Variants in RANBP2 observed in about 807,000 individuals in gnomAD.
RANBP2 encodes E3 SUMO-protein ligase RanBP2.
A neutral mutation model predicts 303.6 loss-of-function variants in RANBP2; 57 were observed. The observed-to-expected ratio is 0.19, with a 90% CI of 0.15 to 0.23. The LOEUF is 0.23. Ranked by LOEUF, RANBP2 falls within the 10% of genes least tolerant of loss-of-function variation. RANBP2 has a pLI of 1.00. For synonymous variants in RANBP2, 1,167 were observed against 1,301.5 expected (o/e 0.90, Z 2.23); for missense variants, 3,138 against 3,780.8 (o/e 0.83, Z 4.46).
the RANBP2 span, among the ~76,000 whole-genome samples, chr2:109,316,824 C>T: frequency 2.6e-5 from 4 of 152,348 alleles, no homozygotes; most frequent in South Asian, 8.3e-4. Context: ...TGGCCTCACC[C>T]TCTGGCTGCC....
chr2:109,694,801 ATGTGTGTGTGTGTGTGTGTG>A, the RANBP2 span, among the ~76,000 whole-genome samples: 1 of 146,222 alleles, frequency 6.8e-6, no homozygotes, highest in Non-Finnish European at 1.5e-5. Flanking sequence ...ATCCATAGGG[ATGTGTGTGTGTGTGTGTGTG>A]TGTGTGTGTG....
the RANBP2 span, among the ~76,000 whole-genome samples, chr2:109,325,374 CT>C: frequency 3.0e-4 from 33 of 109,486 alleles, no homozygotes; most frequent in African/African-American, 1.1e-3. Flanking sequence ...CCAGGTCTTG[CT>C]CTGTCACTCA....
At chr2:109,596,182 C>A in the RANBP2 span, among the ~76,000 whole-genome samples, 1 of 152,242 alleles carries the variant, frequency 6.6e-6, no homozygotes, top group East Asian at 1.9e-4. Context: ...CAGGCATGCA[C>A]CACCACACCC....
chr2:109,089,138 C>A, the RANBP2 span, among the ~76,000 whole-genome samples: 2 of 148,332 alleles, frequency 1.3e-5, no homozygotes, highest in South Asian at 2.3e-4. Context: ...GAGAGGCAAA[C>A]AAGAACGCTT....
intron 6 of RANBP2, among the ~76,000 whole-genome samples, chr2:108,738,683 C>T (rs1181839438): frequency 7.0e-6 from 1 of 143,094 alleles, no homozygotes; most frequent in African/African-American, 2.6e-5. Flanking sequence ...GGCTAGAGTG[C>T]AACAGTGTGA....
At chr2:109,666,325 A>T in the RANBP2 span, among the ~76,000 whole-genome samples, 6 of 152,064 alleles carry the variant, frequency 3.9e-5, no homozygotes, top group African/African-American at 1.2e-4. Flanking sequence ...TGAGAAGGAG[A>T]TTTCTCTGAA....
the RANBP2 span, among the ~76,000 whole-genome samples, chr2:109,686,926 C>A: frequency 1.3e-5 from 2 of 152,180 alleles, no homozygotes; most frequent in Non-Finnish European, 2.9e-5. Context: ...TCATTTAAAC[C>A]ATTGTAGATG....
chr2:108,926,162 T>C, the RANBP2 span, among the ~76,000 whole-genome samples: 1 of 152,220 alleles, frequency 6.6e-6, no homozygotes, highest in Non-Finnish European at 1.5e-5. Flanking sequence ...GCTGTCTTTT[T>C]CTGCCTGGGC....
At chr2:109,616,177 T>G in the RANBP2 span, 1 of 1,390,966 alleles carries the variant, frequency 7.2e-7, no homozygotes, top group African/African-American at 1.5e-5. Context: ...CATTCTTACT[T>G]GAGGGATCGG....
At chr2:109,539,139 A>G in the RANBP2 span, among the ~76,000 whole-genome samples, 2 of 152,024 alleles carry the variant, frequency 1.3e-5, no homozygotes, top group Non-Finnish European at 2.9e-5. Context: ...CTCTACTAAA[A>G]ATACAAAAAT....
chr2:109,134,583 T>C, the RANBP2 span, among the ~76,000 whole-genome samples: 1 of 152,234 alleles, frequency 6.6e-6, no homozygotes, highest in Non-Finnish European at 1.5e-5. Flanking sequence ...CATCTGGTCC[T>C]TACTGCAACT....
the RANBP2 span, among the ~76,000 whole-genome samples, chr2:108,811,243 C>CTTTT: frequency 3.5e-5 from 1 of 28,698 alleles, no homozygotes; most frequent in South Asian, 1.2e-3. Flanking sequence ...TTCTTTCTCT[C>CTTTT]TCTCTTTTTT....
At chr2:109,260,582 T>C in the RANBP2 span, among the ~76,000 whole-genome samples, 1 of 152,206 alleles carries the variant, frequency 6.6e-6, no homozygotes, top group Non-Finnish European at 1.5e-5. Context: ...GCTCCCGATC[T>C]TGTATGTGGA....
the RANBP2 span, among the ~76,000 whole-genome samples, chr2:109,763,410 A>G: frequency 6.7e-6 from 1 of 150,238 alleles, no homozygotes; most frequent in Admixed American, 6.8e-5. Flanking sequence ...TTTCAACCAG[A>G]AATTAGCTTC....
the RANBP2 span, among the ~76,000 whole-genome samples, chr2:109,160,125 A>G: frequency 6.6e-6 from 1 of 152,122 alleles, no homozygotes. Flanking sequence ...ATGGGCCCAG[A>G]GTGTCAGACC....
the RANBP2 span, among the ~76,000 whole-genome samples, chr2:109,260,805 T>G: frequency 6.6e-6 from 1 of 152,096 alleles, no homozygotes; most frequent in Admixed American, 6.5e-5. Flanking sequence ...AGTTCCTAAG[T>G]GCATGGTTTC....
chr2:109,225,800 C>G, the RANBP2 span, among the ~76,000 whole-genome samples: 1 of 152,260 alleles, frequency 6.6e-6, no homozygotes, highest in Non-Finnish European at 1.5e-5. Flanking sequence ...GGGTCTCGCT[C>G]TGTTGCCCGG....
intron 15 of RANBP2, 26 bp from the exon 16 acceptor site, chr2:108,754,879 C>G (rs1403041888): frequency 1.9e-6 from 3 of 1,610,354 alleles, no homozygotes; most frequent in Non-Finnish European, 2.5e-6. Context: ...AAATGAAAGC[C>G]CTTAATTAAT....
chr2:109,209,649 G>A, the RANBP2 span, among the ~76,000 whole-genome samples: 1 of 152,168 alleles, frequency 6.6e-6, no homozygotes, highest in Non-Finnish European at 1.5e-5. Flanking sequence ...CTGTGAATCA[G>A]TCGACTGCTC....
Sources: gnomAD v4.1 joint callset for allele counts (sites outside exome capture counted in the v4.1 genomes callset) on GRCh38, gnomAD v4.1.1 for gene constraint, MANE v1.5 for transcripts, NCBI Gene and HGNC (gene_info 2026-07-23, HGNC 2026-07-21) for gene names.